The following HS6ST2 variants were observed in gnomAD, a reference collection of about 807,000 sequenced individuals.
HS6ST2 encodes the protein heparan-sulfate 6-O-sulfotransferase 2.
A neutral mutation model predicts 33.0 loss-of-function variants in HS6ST2; 17 were observed. The ratio of observed to expected loss-of-function variants is 0.52; its 90% CI spans 0.35 to 0.77. HS6ST2 has a LOEUF of 0.77. Ranked by LOEUF, HS6ST2 falls within the 30% of genes least tolerant of loss-of-function variation. The pLI, the probability that HS6ST2 is intolerant of heterozygous loss-of-function variation, is 0.01. For synonymous variants in HS6ST2, 248 were observed against 237.1 expected (o/e 1.05, Z -0.42); for missense variants, 519 against 551.7 (o/e 0.94, Z 0.59).
chrX:132,686,527 T>C (rs1243876739), intron 3 of HS6ST2, among the ~76,000 whole-genome samples: 2 of 111,485 alleles, frequency 1.8e-5, no homozygotes, highest in Non-Finnish European at 3.8e-5. Flanking sequence ...CTTTTGTAAA[T>C]AGCAACAGTG....
At chrX:132,960,567 T>A (rs2067135783), upstream of HS6ST2, among the ~76,000 whole-genome samples, 2 of 65,879 alleles carry the variant, frequency 3.0e-5, no homozygotes, top group African/African-American at 1.5e-4. Context: ...TGGTAAACAG[T>A]ACGGGGGGAA....
At chrX:132,793,981 A>T (rs1474215460) in intron 2 of HS6ST2, among the ~76,000 whole-genome samples, 1 of 112,915 alleles carries the variant, frequency 8.9e-6, no homozygotes. Context: ...CATTTGTAAA[A>T]TTAGCAATTT....
At chrX:132,794,203 A>G (rs902879551) in intron 2 of HS6ST2, among the ~76,000 whole-genome samples, 1 of 111,958 alleles carries the variant, frequency 8.9e-6, no homozygotes, top group Non-Finnish European at 1.9e-5. Context: ...TTGGACTTAG[A>G]TGAAGGCTTC....
chrX:132,894,070 G>T lies in HS6ST2; in HGVS notation c.947+62738C>A, dbSNP rs190492545. On this transcript the variant is annotated intron_variant, in intron 2 of 4. Transcript: ENST00000370833. ...TTTTGAGGGAATCACAGGTGAACTT[G>T]TGAAGTCCATTTTGAGGCTACAGCA... Among the ~76,000 whole-genome samples, 18 of 107,739 alleles carry T rather than the reference G, an allele frequency of 1.7e-4. No individual in the cohort carries two copies. The Admixed American group carries it at 1.7e-3, about 10-fold the overall frequency. The allele number at this position is 107,739 out of a possible 115,157, so 93.6% of individuals were successfully genotyped here.
Position 132,958,582 on chromosome X carries a change from T to C in HS6ST2, c.21A>G (p.Ala7=). MALPAC[A]VREFEPPRQP... ...GCCGCGGCGGCTCGAACTCCCGGAC[T>C]GCACACGCAGGCAGTGCCATTCCCC... Residue 7 remains alanine, a synonymous_variant, in exon 1 of 5, where the codon GCA becomes GCG. Coordinates refer to ENST00000370833, the MANE Select transcript of HS6ST2 (RefSeq NM_001394073.1). 1 of 1,178,897 alleles carries C rather than the reference T, an allele frequency of 8.5e-7. No homozygotes were observed. Among genetic ancestry groups the C allele is most frequent in the Non-Finnish European group, 1.1e-6 (1 of 878,849 alleles).
intron 2 of HS6ST2, among the ~76,000 whole-genome samples, chrX:132,799,190 A>G (rs2065212694): frequency 9.0e-6 from 1 of 110,547 alleles, no homozygotes; most frequent in Middle Eastern, 4.7e-3. Flanking sequence ...TGCAATGTTC[A>G]TAAATGCACT....
At chrX:132,695,956 G>A (rs903981323) in intron 3 of HS6ST2, among the ~76,000 whole-genome samples, 4 of 111,764 alleles carry the variant, frequency 3.6e-5, no homozygotes, top group African/African-American at 1.3e-4. Flanking sequence ...AGAGTAGGCT[G>A]AGTTCTTCCA....
At chrX:132,834,583 C>T (rs2065623912) in intron 2 of HS6ST2, among the ~76,000 whole-genome samples, 1 of 112,213 alleles carries the variant, frequency 8.9e-6, no homozygotes, top group Non-Finnish European at 1.9e-5. Context: ...GTTCTGAATA[C>T]TTCATTTCCA....
At chrX:132,647,486 GA>G (rs1603291301) in intron 4 of HS6ST2, among the ~76,000 whole-genome samples, 1 of 112,042 alleles carries the variant, frequency 8.9e-6, no homozygotes, top group Admixed American at 9.4e-5. Context: ...TCAGCCTGGG[GA>G]CAAGCAAGTG....
intron 2 of HS6ST2, among the ~76,000 whole-genome samples, chrX:132,827,722 T>A (rs961708512): frequency 9.0e-6 from 1 of 111,195 alleles, no homozygotes; most frequent in African/African-American, 3.3e-5. Context: ...CCTTTCATGT[T>A]GGGCTTACAC....
Position 132,628,468 on chromosome X carries a change from G to A in HS6ST2, c.1693C>T (p.Leu565Phe). Reference sequence around the variant, plus strand: ...TGGCTCTGGAAATGGGTCTGAAGGAGCCTTCCCTTCAGAAATTTGCGTTGT... The same window carrying A: ...TGGCTCTGGAAATGGGTCTGAAGGAACCTTCCCTTCAGAAATTTGCGTTGT... ...QEQRKFLKGR[L>F]LQTHFQSQGQ... Residue 565 changes from leucine (L) to phenylalanine (F), a missense_variant, in exon 5 of 5, where the codon CTC (leucine) becomes TTC (phenylalanine). Transcript: ENST00000370833. The A allele has an allele frequency of 8.3e-7, 1 of 1,210,588 alleles. No individual in the cohort carries two copies. The highest frequency in any genetic ancestry group is 1.1e-6 in the Non-Finnish European group (1 of 894,729).
At chrX:132,752,648 A>C (rs1177483761) in intron 2 of HS6ST2, among the ~76,000 whole-genome samples, 3 of 111,374 alleles carry the variant, frequency 2.7e-5, no homozygotes, top group African/African-American at 3.3e-5. Flanking sequence ...ATTCCTCGCA[A>C]AACACATCTT....
rs185105786 is a variant in HS6ST2 at position 132,694,307 on chromosome X, C to T, written c.980+14155G>A. The stretch of plus-strand genomic sequence containing the variant: ...TTAAGAATTGGACTCCTTGGCAATC[C>T]TATTCCTATGACATTTCAAGAAAGA... On this transcript the variant is annotated intron_variant, in intron 3 of 4. Transcript: ENST00000370833. Among the ~76,000 whole-genome samples the T allele has an allele frequency of 8.9e-4, 100 of 111,941 alleles. 1 individual carries two copies. The East Asian group carries it at 0.026, about 29-fold the overall frequency.
chrX:132,691,035 T>C (rs1187282037), intron 3 of HS6ST2, among the ~76,000 whole-genome samples: 1 of 111,854 alleles, frequency 8.9e-6, no homozygotes, highest in African/African-American at 3.3e-5. Flanking sequence ...CTTGTGAAAG[T>C]GAATTTTTGT....
rs148300515 is a variant in HS6ST2, at chrX:132,632,890, A to G, written c.1068-3797T>C. On this transcript the variant is annotated intron_variant, in intron 4 of 4. Coordinates refer to ENST00000370833, the MANE Select transcript of HS6ST2 (RefSeq NM_001394073.1). ...CCAATAGTTCAAGACCAGCCTGAAC[A>G]ACATGGTGAAACCCTGTCTCTGCAA... Among the ~76,000 whole-genome samples the G allele has an allele frequency of 3.4e-3, 377 of 109,807 alleles. 1 individual carries two copies. The highest frequency in any genetic ancestry group is 0.012 in the African/African-American group (359 of 30,184).
rs182086611 is a variant in HS6ST2, at chrX:132,783,648, G to A, written c.948-75154C>T. On this transcript the variant is annotated intron_variant, in intron 2 of 4. Transcript: ENST00000370833. The stretch of plus-strand genomic sequence containing the variant: ...AGGGTCCTCCTGAGGGAATTCCCAG[G>A]GAGACCCCAAGCCTGGGAATTTCAG... Among the ~76,000 whole-genome samples, 35 of 110,773 alleles carry A rather than the reference G, an allele frequency of 3.2e-4. 1 individual carries two copies. The highest frequency in any genetic ancestry group is 2.6e-3 in the Admixed American group (27 of 10,394).
chrX:132,704,969 C>G (rs763444395), intron 3 of HS6ST2, among the ~76,000 whole-genome samples: 6 of 111,693 alleles, frequency 5.4e-5, no homozygotes, highest in Non-Finnish European at 9.4e-5. Context: ...TCTCAGCAGG[C>G]AATTGGAAAT....
chrX:132,777,696 C>G (rs1174392221), intron 2 of HS6ST2, among the ~76,000 whole-genome samples: 2 of 108,198 alleles, frequency 1.8e-5, no homozygotes, highest in Non-Finnish European at 3.8e-5. Flanking sequence ...ATCCACCCAC[C>G]TAGGCCTCCC....
At chrX:132,657,204 C>G (rs1291122247) in intron 4 of HS6ST2, among the ~76,000 whole-genome samples, 1 of 110,519 alleles carries the variant, frequency 9.0e-6, no homozygotes, top group Non-Finnish European at 1.9e-5. Flanking sequence ...TACAAGCAAG[C>G]AGAAAAAAAT....
Sources: gnomAD v4.1 joint callset for allele counts (sites outside exome capture counted in the v4.1 genomes callset) on GRCh38, gnomAD v4.1.1 for gene constraint, MANE v1.5 for transcripts, NCBI Gene and HGNC (gene_info 2026-07-23, HGNC 2026-07-21) for gene names.